ALDH1A3: variants seen among roughly 807,000 people sequenced by gnomAD.
ALDH1A3 encodes retinaldehyde dehydrogenase 3.
A neutral mutation model predicts 57.5 loss-of-function variants in ALDH1A3; 28 were observed. The observed-to-expected ratio is 0.49, with a 90% CI of 0.36 to 0.67. The LOEUF is 0.67. Ranked by LOEUF, ALDH1A3 falls within the 30% of genes least tolerant of loss-of-function variation. ALDH1A3 has a pLI of 0.00. For synonymous variants in ALDH1A3, 281 were observed against 264.8 expected (o/e 1.06, Z -0.59); for missense variants, 507 against 669.4 (o/e 0.76, Z 2.68).
Position 100,887,479 on chromosome 15 carries a change from T to C in ALDH1A3, c.205-93T>C. The C allele has an allele frequency of 7.1e-7, 1 of 1,403,652 alleles. No individual in the cohort carries two copies. Among genetic ancestry groups the C allele is most frequent in the South Asian group, 1.6e-5 (1 of 62,356 alleles). 86.9% of individuals were successfully genotyped at this position (1,403,652 alleles called of 1,614,324 possible). A position where few individuals can be genotyped will look rare whatever the true frequency, so the allele number is the denominator to read the frequency against. ...CCCAAACTGCAGTCACCTCAAAAGA[T>C]GACACCCAAACTTCAGTCACGTCAA... On this transcript the variant is annotated intron_variant, in intron 2 of 12. Coordinates refer to ENST00000329841, the MANE Select transcript of ALDH1A3 (RefSeq NM_000693.4). The surrounding 1 kb of genome is among the most constrained non-coding windows in gnomAD (Gnocchi z 4.6).
Position 100,892,938 on chromosome 15 carries a change from CT to C in ALDH1A3, c.476-5del. The stretch of plus-strand genomic sequence containing the variant: ...GTGTCCTTCCCCACCATGTAACCCT[CT>C]TCCAGATGACAACGTCGTGTGCTTC... On this transcript the variant is annotated splice_polypyrimidine_tract_variant and splice_region_variant and intron_variant, in intron 4 of 12. Transcript: ENST00000329841. 6.2e-7 allele frequency: 1 copy of C among 1,613,948 alleles called. No individual in the cohort carries two copies.
intron 3 of ALDH1A3, 146 bp from the exon 4 acceptor site, chr15:100,892,364 G>A: frequency 9.5e-7 from 1 of 1,053,898 alleles, no homozygotes; most frequent in South Asian, 1.6e-5. Flanking sequence ...TTGGTGTCAT[G>A]CTTTCTGAAG....
intron 3 of ALDH1A3, among the ~76,000 whole-genome samples, chr15:100,890,183 G>A (rs1030540345): frequency 2.6e-5 from 4 of 152,232 alleles, no homozygotes; most frequent in South Asian, 2.1e-4. Context: ...GGGTCCTCTC[G>A]TTGTAAGCCC....
chr15:100,893,249 G>T lies in ALDH1A3; in HGVS notation c.537+243G>T. 2.4e-6 allele frequency: 1 copy of T among 408,884 alleles called. No individual in the cohort carries two copies. The highest frequency in any genetic ancestry group is 4.3e-6 in the Non-Finnish European group (1 of 230,556). 25.3% of individuals were successfully genotyped at this position (408,884 alleles called of 1,614,324 possible). A position where few individuals can be genotyped will look rare whatever the true frequency, so the allele number is the denominator to read the frequency against. On this transcript the variant is annotated intron_variant, in intron 5 of 12. Coordinates refer to ENST00000329841, the MANE Select transcript of ALDH1A3 (RefSeq NM_000693.4). This position sits in a 1 kb window ranked among gnomAD's most constrained non-coding sequence, Gnocchi z 4.8. ...CTGTGGTTCCCAGCCAGAGTGGTCA[G>T]GAATGGCCAGCATTCCCAGGAAGGT...
At chr15:100,891,154 T>C (rs1465223162) in intron 3 of ALDH1A3, among the ~76,000 whole-genome samples, 3 of 152,236 alleles carry the variant, frequency 2.0e-5, no homozygotes, top group Non-Finnish European at 4.4e-5. Context: ...GCACTCACCA[T>C]GGGCGGGCAC....
chr15:100,881,160 G>A (rs940041006), intron 1 of ALDH1A3: 49 of 152,224 alleles, frequency 3.2e-4, no homozygotes, highest in Admixed American at 3.2e-3. Flanking sequence ...TCAGATTTGG[G>A]TCTCTTGGCA....
At position 100,894,713 on chromosome 15, in the gene ALDH1A3, G is replaced by A. The variant is rs2041682213; in HGVS notation, c.666+631G>A. On this transcript the variant is annotated intron_variant, in intron 6 of 12. Coordinates refer to ENST00000329841, the MANE Select transcript of ALDH1A3 (RefSeq NM_000693.4). The surrounding 1 kb of genome is among the most constrained non-coding windows in gnomAD (Gnocchi z 4.5). Reference sequence around the variant, plus strand: ...AAAGATCCATTCCTTTCTCTTCTTAGTCGGGCTGATATGACCGGCAGGCAG... The same window carrying A: ...AAAGATCCATTCCTTTCTCTTCTTAATCGGGCTGATATGACCGGCAGGCAG... 1.3e-5 allele frequency: 2 copies of A among 152,374 alleles called. No homozygotes were observed. The highest frequency in any genetic ancestry group is 4.1e-4 in the South Asian group (2 of 4,836). The allele number at this position is 152,374 out of a possible 1,614,324, so 9.4% of individuals were successfully genotyped here. A position where few individuals can be genotyped will look rare whatever the true frequency, so the allele number is the denominator to read the frequency against.
intron 9 of ALDH1A3, among the ~76,000 whole-genome samples, chr15:100,903,047 T>C (rs1444116533): frequency 6.6e-6 from 1 of 152,216 alleles, no homozygotes; most frequent in East Asian, 1.9e-4. Context: ...TTCCGGGATC[T>C]GTTGCAAAGC....
chr15:100,911,063 A>G (rs1449146704), intron 12 of ALDH1A3, among the ~76,000 whole-genome samples: 7 of 152,196 alleles, frequency 4.6e-5, no homozygotes, highest in African/African-American at 1.7e-4. Context: ...ACTTTTTTGA[A>G]TGTCTGTTTT....
At position 100,887,685 on chromosome 15, in the gene ALDH1A3, G is replaced by C. The variant is rs1266991718; in HGVS notation, c.318G>C (p.Leu106=). Residue 106 remains leucine (L), a synonymous_variant, in exon 3 of 13, where the codon CTG becomes CTC. Transcript: ENST00000329841. This position sits in a 1 kb window ranked among gnomAD's most constrained non-coding sequence, Gnocchi z 4.6. The part of the protein sequence containing the change: ...RGRLLHQLAD[L]VERDRATLAA... ...GGCTGCTGCACCAGCTGGCTGACCT[G>C]GTGGAGAGGGACCGCGCCACCTTGG... 1.9e-6 allele frequency: 3 copies of C among 1,609,226 alleles called. No homozygotes were observed. The African/African-American group carries it at 4.0e-5, about 22-fold the overall frequency.
intron 3 of ALDH1A3, among the ~76,000 whole-genome samples, chr15:100,890,265 G>A (rs1159516700): frequency 6.6e-6 from 1 of 152,174 alleles, no homozygotes; most frequent in African/African-American, 2.4e-5. Context: ...AATTTCTCAG[G>A]AGGCACATTT....
chr15:100,898,254 C>A, intron 8 of ALDH1A3, 69 bp downstream of exon 8: 1 of 1,420,878 alleles, frequency 7.0e-7, no homozygotes, highest in Non-Finnish European at 9.8e-7. Flanking sequence ...TACTTCCTGG[C>A]CTGAATTCAA....
At position 100,879,958 on chromosome 15, in the gene ALDH1A3, G is replaced by A. The variant is rs1157636153; in HGVS notation, c.51G>A (p.Pro17=). The change falls in exon 1 of 13, where the codon CCG becomes CCA. Residue 17 remains proline (P), a synonymous_variant. Coordinates refer to ENST00000329841, the MANE Select transcript of ALDH1A3 (RefSeq NM_000693.4). ...AVENGQPDRK[P]PALPRPIRNL... ...AAAACGGGCAGCCGGACAGGAAGCC[G>A]CCGGCCCTGCCGCGCCCCATCCGCA... is the stretch of plus-strand genomic sequence containing the variant. 6.8e-7 allele frequency: 1 copy of A among 1,474,524 alleles called. No homozygotes were observed. The highest frequency in any genetic ancestry group is 2.4e-5 in the Admixed American group (1 of 41,998). 91.3% of individuals were successfully genotyped at this position (1,474,524 alleles called of 1,614,324 possible).
chr15:100,895,895 TC>T (rs750757468), intron 6 of ALDH1A3, 37 bp from the exon 7 acceptor site: 2 of 1,535,464 alleles, frequency 1.3e-6, no homozygotes, highest in Middle Eastern at 1.7e-4. Context: ...GTGGATGAAG[TC>T]CGTTCTTCTT....
chr15:100,909,586 GTGCAAACCCAC>G (rs781319813), intron 12 of ALDH1A3, among the ~76,000 whole-genome samples: 22 of 150,980 alleles, frequency 1.5e-4, no homozygotes, highest in Non-Finnish European at 3.2e-4. Context: ...CTTCGTGTGT[GTGCAAACCCAC>G]TGCAAACCCC....
chr15:100,897,656 C>CACCG (rs2041721186), intron 7 of ALDH1A3, among the ~76,000 whole-genome samples: 1 of 152,072 alleles, frequency 6.6e-6, no homozygotes, highest in Non-Finnish European at 1.5e-5. Context: ...CAGAACCACC[C>CACCG]CCCTACTGGG....
At chr15:100,895,784 C>T (rs574238648) in intron 6 of ALDH1A3, 149 bp from the exon 7 acceptor site, 34 of 670,086 alleles carry the variant, frequency 5.1e-5, no homozygotes, top group Non-Finnish European at 5.8e-5. Context: ...AGGGTGCCCA[C>T]GGTCAACTGC....
At chr15:100,903,401 A>C (rs147700276) in intron 9 of ALDH1A3, among the ~76,000 whole-genome samples, 31 of 152,302 alleles carry the variant, frequency 2.0e-4, no homozygotes, top group Non-Finnish European at 3.2e-4. Context: ...ATTCTTTTTC[A>C]CATGTGTATG....
chr15:100,893,099 G>T lies in ALDH1A3; in HGVS notation c.537+93G>T. On this transcript the variant is annotated intron_variant, in intron 5 of 12. Coordinates refer to ENST00000329841, the MANE Select transcript of ALDH1A3 (RefSeq NM_000693.4). The surrounding 1 kb of genome is among the most constrained non-coding windows in gnomAD (Gnocchi z 4.8). Reference sequence around the variant, plus strand: ...ATCAATTTCTGGTGTGTTTTTATCTGATTGCACCAGCGTTGAACAAGCATT... The same window carrying T: ...ATCAATTTCTGGTGTGTTTTTATCTTATTGCACCAGCGTTGAACAAGCATT... The T allele has an allele frequency of 8.5e-7, 1 of 1,182,174 alleles. No homozygotes were observed. Among genetic ancestry groups the T allele is most frequent in the South Asian group, 1.4e-5 (1 of 70,404 alleles). 73.2% of individuals were successfully genotyped at this position (1,182,174 alleles called of 1,614,324 possible). A position where few individuals can be genotyped will look rare whatever the true frequency, so the allele number is the denominator to read the frequency against.
Sources: allele counts gnomAD v4.1 joint callset (sites outside exome capture counted in the v4.1 genomes callset), GRCh38; gene constraint gnomAD v4.1.1; non-coding constraint Gnocchi (gnomAD v3.1); transcripts MANE v1.5; gene names NCBI Gene and HGNC (gene_info 2026-07-23, HGNC 2026-07-21).